ENAH: variants seen among roughly 807,000 people sequenced by gnomAD.
ENAH encodes the protein protein enabled homolog.
Under a neutral mutation model 78.7 loss-of-function variants are expected in ENAH, and 23 were observed. That is an observed-to-expected ratio of 0.29 (90% CI 0.21 to 0.41). ENAH has a LOEUF of 0.41. Ranked by LOEUF, ENAH falls within the 10% of genes least tolerant of loss-of-function variation. The pLI, the probability that ENAH is intolerant of heterozygous loss-of-function variation, is 1.00. For missense variants in ENAH, 544 were observed against 691.0 expected, an observed-to-expected ratio of 0.79 and a Z score of 2.39; for synonymous variants, 226 against 241.0, an observed-to-expected ratio of 0.94 and a Z score of 0.58.
chr1:225,598,740 T>C (rs2096915184), intron 1 of ENAH, among the ~76,000 whole-genome samples: 1 of 151,888 alleles, frequency 6.6e-6, no homozygotes, highest in African/African-American at 2.4e-5. Context: ...GGAATAGCAA[T>C]CTTAACACCC....
Position 225,501,025 on chromosome 1 carries a change from C to T in ENAH, c.1584G>A (p.Gln528=), listed in dbSNP as rs752872518. 1 of 1,614,170 alleles carries T rather than the reference C, an allele frequency of 6.2e-7. No individual in the cohort carries two copies. The highest frequency in any genetic ancestry group is 1.1e-5 in the South Asian group (1 of 91,084). The part of the protein sequence containing the change: ...PLSQPSANGV[Q]TEGLDYDRLK... ...GCCTGTCATAGTCAAGTCCTTCCGT[C>T]TGGACTCCATTGGCACTGGGCTGTG... Residue 528 remains glutamine, a synonymous_variant, in exon 12 of 14, where the codon CAG becomes CAA. Transcript: ENST00000366843.
chr1:225,552,086 G>C (rs981459761), intron 3 of ENAH, among the ~76,000 whole-genome samples: 1 of 151,542 alleles, frequency 6.6e-6, no homozygotes, highest in African/African-American at 2.4e-5. Context: ...TTCTACACTG[G>C]AGAATCTGCG....
chr1:225,513,105 C>A, intron 7 of ENAH, 89 bp from the exon 8 acceptor site: 1 of 1,191,492 alleles, frequency 8.4e-7, no homozygotes, highest in Non-Finnish European at 1.1e-6. Flanking sequence ...AAGGAAACAT[C>A]AGCATTAATT....
At chr1:225,585,394 A>G (rs1300418072) in intron 1 of ENAH, among the ~76,000 whole-genome samples, 1 of 152,180 alleles carries the variant, frequency 6.6e-6, no homozygotes, top group Non-Finnish European at 1.5e-5. Context: ...GACTCATTTG[A>G]TATTTTAAAG....
chr1:225,522,086 C>T (rs1473315551), intron 4 of ENAH, among the ~76,000 whole-genome samples: 4 of 152,248 alleles, frequency 2.6e-5, no homozygotes, highest in Middle Eastern at 6.8e-3. Flanking sequence ...TGAGCCACCG[C>T]GCCCGGCCCA....
At chr1:225,618,206 C>T (rs1656151254) in intron 1 of ENAH, among the ~76,000 whole-genome samples, 1 of 152,172 alleles carries the variant, frequency 6.6e-6, no homozygotes, top group Non-Finnish European at 1.5e-5. Flanking sequence ...ATCCAAACAT[C>T]CCCCGGAGGA....
At position 225,494,094 on chromosome 1, in the gene ENAH, T is replaced by G. The variant is rs1034543042; in HGVS notation, c.*3681A>C. On this transcript the variant is annotated 3_prime_UTR_variant, in exon 14 of 14. Coordinates refer to ENST00000366843, the MANE Select transcript of ENAH (RefSeq NM_018212.6). ...AAAAAAAAAAAAAAACAGCTGAAAATTTTACAACTGTAACTCTGTAATGGC... is the reference window on the plus strand; with the variant it reads ...AAAAAAAAAAAAAAACAGCTGAAAAGTTTACAACTGTAACTCTGTAATGGC... The G allele has an allele frequency of 8.0e-5, 8 of 100,570 alleles. No individual in the cohort carries two copies. Among genetic ancestry groups the G allele is most frequent in the African/African-American group, 3.1e-4 (8 of 26,122 alleles). 6.2% of individuals were successfully genotyped at this position (100,570 alleles called of 1,614,324 possible). A position where few individuals can be genotyped will look rare whatever the true frequency, so the allele number is the denominator to read the frequency against.
intron 1 of ENAH, among the ~76,000 whole-genome samples, chr1:225,604,064 T>C (rs920137225): frequency 6.6e-6 from 1 of 152,208 alleles, no homozygotes; most frequent in Non-Finnish European, 1.5e-5. Flanking sequence ...AAACTTCTAA[T>C]AAGCAAAAAC....
rs191323108 is a variant in ENAH, at chr1:225,625,445, G to A, written c.5+27241C>T. Among the ~76,000 whole-genome samples the A allele has an allele frequency of 5.7e-4, 87 of 152,216 alleles. 1 individual carries two copies. Among genetic ancestry groups the A allele is most frequent in the African/African-American group, 2.0e-3 (82 of 41,520 alleles). ...TTTCTTCTTTTTAAAAAAAGAAGTC[G>A]TGCAAGCTACATTCCTCCACAAACT... On this transcript the variant is annotated intron_variant, in intron 1 of 13. Transcript: ENST00000366843.
intron 10 of ENAH, among the ~76,000 whole-genome samples, chr1:225,510,118 G>A (rs1197874446): frequency 6.6e-6 from 1 of 152,120 alleles, no homozygotes; most frequent in Non-Finnish European, 1.5e-5. Context: ...TTTCACTTCA[G>A]GTGCCTGACA....
chr1:225,511,946 TTC>T (rs2096380262), intron 9 of ENAH, 87 bp from the exon 10 acceptor site: 1 of 801,998 alleles, frequency 1.2e-6, no homozygotes, highest in Non-Finnish European at 2.0e-6. Flanking sequence ...ACTTCTAATA[TTC>T]TTTCTGCCAC....
intron 4 of ENAH, chr1:225,524,747 T>C (rs2096492618): frequency 1.4e-6 from 1 of 717,382 alleles, no homozygotes; most frequent in Admixed American, 6.3e-5. Flanking sequence ...GTACTGGTGA[T>C]TTGCGAACTA....
At chr1:225,628,706 T>G (rs1658398700) in intron 1 of ENAH, among the ~76,000 whole-genome samples, 1 of 150,432 alleles carries the variant, frequency 6.6e-6, no homozygotes, top group Non-Finnish European at 1.5e-5. Flanking sequence ...AGGTCAGGAG[T>G]TCGAGACCAG....
chr1:225,506,571 G>A (rs1391854114), intron 11 of ENAH, among the ~76,000 whole-genome samples: 1 of 152,130 alleles, frequency 6.6e-6, no homozygotes, highest in African/African-American at 2.4e-5. Context: ...TGTGTTAGAA[G>A]GCCATCTCAG....
intron 12 of ENAH, among the ~76,000 whole-genome samples, chr1:225,499,563 T>A (rs1443685681): frequency 6.6e-6 from 1 of 152,116 alleles, no homozygotes; most frequent in Non-Finnish European, 1.5e-5. Flanking sequence ...TCCCAGCTAC[T>A]CAGGAGGCTG....
chr1:225,607,195 G>A (rs1362335643), intron 1 of ENAH, among the ~76,000 whole-genome samples: 7 of 151,856 alleles, frequency 4.6e-5, no homozygotes, highest in East Asian at 3.9e-4. Context: ...TGGGCCACAC[G>A]TAAAATACAC....
rs2096256249 is a variant in ENAH, at chr1:225,497,716, G to A, written c.*59C>T. 1.9e-6 allele frequency: 3 copies of A among 1,543,304 alleles called. No homozygotes were observed. In the Admixed American group the frequency reaches 5.1e-5, roughly 26 times the overall value. ...TAGGGGTTTGCTGTTGTGAACAGTT[G>A]TTGTTTGTAGGATATTTTTCCTCCA... On this transcript the variant is annotated 3_prime_UTR_variant, in exon 14 of 14. Transcript: ENST00000366843.
intron 11 of ENAH, among the ~76,000 whole-genome samples, chr1:225,502,298 G>A (rs562579261): frequency 3.3e-5 from 5 of 152,022 alleles, no homozygotes; most frequent in Admixed American, 6.6e-5. Context: ...TGCAACCTCC[G>A]CCTCCCCGGT....
At chr1:225,509,890 C>G (rs568435189) in intron 10 of ENAH, among the ~76,000 whole-genome samples, 1 of 152,276 alleles carries the variant, frequency 6.6e-6, no homozygotes, top group East Asian at 1.9e-4. Context: ...AATATCACAC[C>G]TTCCCCTCAC....
Sources: gnomAD v4.1 joint callset for allele counts (sites outside exome capture counted in the v4.1 genomes callset) on GRCh38, gnomAD v4.1.1 for gene constraint, MANE v1.5 for transcripts, NCBI Gene and HGNC (gene_info 2026-07-23, HGNC 2026-07-21) for gene names.